DLG2: variants seen among roughly 807,000 people sequenced by gnomAD.
DLG2 encodes disks large homolog 2.
Under a neutral mutation model 132.5 loss-of-function variants are expected in DLG2, and 45 were observed. The ratio of observed to expected loss-of-function variants is 0.34; its 90% CI spans 0.27 to 0.44. The LOEUF is 0.44. Among genes scored for constraint, DLG2 ranks in the 20% least tolerant of loss-of-function variants. DLG2 has a pLI of 1.00. For synonymous variants in DLG2, 424 were observed against 419.6 expected (o/e 1.01, Z -0.13); for missense variants, 1,045 against 1,196.9 (o/e 0.87, Z 1.87).
At chr11:84,844,537 C>T (rs1039393148) in intron 6 of DLG2, among the ~76,000 whole-genome samples, 7 of 151,894 alleles carry the variant, frequency 4.6e-5, no homozygotes, top group African/African-American at 1.7e-4. Context: ...AAATGGCTTC[C>T]TTGTTTATCC....
At chr11:85,112,594 T>C (rs1338723773) in intron 5 of DLG2, among the ~76,000 whole-genome samples, 1 of 152,058 alleles carries the variant, frequency 6.6e-6, no homozygotes, top group East Asian at 1.9e-4. Context: ...CAGCTGTGAT[T>C]TACTGAACAA....
chr11:85,335,789 C>T (rs1037337004), intron 3 of DLG2, among the ~76,000 whole-genome samples: 1 of 151,362 alleles, frequency 6.6e-6, no homozygotes, highest in Non-Finnish European at 1.5e-5. Context: ...ACACCAGGAC[C>T]TATCAGGGGG....
At chr11:84,163,903 A>G (rs2095604437) in intron 8 of DLG2, among the ~76,000 whole-genome samples, 1 of 152,186 alleles carries the variant, frequency 6.6e-6, no homozygotes, top group Admixed American at 6.5e-5. Context: ...GACCTTAAAA[A>G]TCAGTGATAA....
chr11:85,086,266 CT>C (rs2067909266), intron 6 of DLG2, among the ~76,000 whole-genome samples: 1 of 152,078 alleles, frequency 6.6e-6, no homozygotes, highest in Non-Finnish European at 1.5e-5. Context: ...GTCAAAGTTA[CT>C]TATCCAATTT....
intron 6 of DLG2, among the ~76,000 whole-genome samples, chr11:85,077,025 C>G (rs1363648568): frequency 1.3e-5 from 2 of 151,944 alleles, no homozygotes; most frequent in African/African-American, 2.4e-5. Context: ...GTTATTGAAC[C>G]TCAAAGAAAT....
intron 3 of DLG2, among the ~76,000 whole-genome samples, chr11:85,326,491 T>C (rs1334351615): frequency 9.2e-6 from 1 of 108,988 alleles, no homozygotes; most frequent in Non-Finnish European, 1.8e-5. Flanking sequence ...GAAAAGAATT[T>C]TCCACCCAGA....
intron 3 of DLG2, among the ~76,000 whole-genome samples, chr11:85,289,609 G>A (rs2078767908): frequency 6.6e-6 from 1 of 152,160 alleles, no homozygotes; most frequent in Admixed American, 6.5e-5. Flanking sequence ...ATGGTAAAAT[G>A]TGTTAAAACA....
intron 21 of DLG2, among the ~76,000 whole-genome samples, chr11:83,517,927 C>T (rs1408363280): frequency 1.3e-5 from 2 of 152,162 alleles, no homozygotes; most frequent in Admixed American, 1.3e-4. Flanking sequence ...GTCAGTCTGC[C>T]CTTACTGGGG....
intron 18 of DLG2, among the ~76,000 whole-genome samples, chr11:83,745,064 G>A (rs1420688059): frequency 6.6e-6 from 1 of 152,118 alleles, no homozygotes; most frequent in Non-Finnish European, 1.5e-5. Flanking sequence ...ACGAATCTCA[G>A]TTCTCAAACT....
At chr11:84,668,897 T>C (rs927040024) in intron 6 of DLG2, among the ~76,000 whole-genome samples, 5 of 152,230 alleles carry the variant, frequency 3.3e-5, no homozygotes, top group East Asian at 3.9e-4. Context: ...CAAAAAATAT[T>C]TGAGCATCCA....
At chr11:84,526,557 A>G (rs1373330321) in intron 7 of DLG2, among the ~76,000 whole-genome samples, 3 of 152,178 alleles carry the variant, frequency 2.0e-5, no homozygotes, top group East Asian at 1.9e-4. Flanking sequence ...AGGTGAGTAC[A>G]CTACAAGATA....
intron 5 of DLG2, among the ~76,000 whole-genome samples, chr11:85,141,455 A>G (rs989484928): frequency 3.3e-5 from 5 of 151,690 alleles, no homozygotes; most frequent in African/African-American, 1.2e-4. Context: ...CTCCCTATAT[A>G]TTAGGGTTAT....
chr11:83,737,942 T>C (rs1345391623), intron 18 of DLG2, among the ~76,000 whole-genome samples: 1 of 152,184 alleles, frequency 6.6e-6, no homozygotes, highest in African/African-American at 2.4e-5. Context: ...CTTTTCTTCT[T>C]CTTCTCTTTA....
At chr11:84,834,205 C>G (rs1445686761) in intron 6 of DLG2, among the ~76,000 whole-genome samples, 1 of 151,530 alleles carries the variant, frequency 6.6e-6, no homozygotes, top group Non-Finnish European at 1.5e-5. Flanking sequence ...AATCATTTCC[C>G]TTAGTTATTT....
At chr11:85,607,857 C>CGG (rs1335150199) in intron 2 of DLG2, among the ~76,000 whole-genome samples, 6 of 152,206 alleles carry the variant, frequency 3.9e-5, no homozygotes, top group African/African-American at 1.4e-4. Context: ...TGGCCCTCCA[C>CGG]TTAATTTTTG....
chr11:84,374,561 G>T (rs944296466), intron 7 of DLG2, among the ~76,000 whole-genome samples: 1 of 152,098 alleles, frequency 6.6e-6, no homozygotes, highest in Non-Finnish European at 1.5e-5. Flanking sequence ...TCTTCTTCCA[G>T]TGTGGCCCAG....
intron 6 of DLG2, among the ~76,000 whole-genome samples, chr11:84,585,479 T>C (rs545340403): frequency 3.3e-5 from 5 of 152,182 alleles, no homozygotes; most frequent in Non-Finnish European, 5.9e-5. Flanking sequence ...GGGATTATCA[T>C]AGGTATTCCT....
chr11:84,577,022 T>C (rs10898267), intron 6 of DLG2, among the ~76,000 whole-genome samples: 9,626 of 152,258 alleles, frequency 0.063, 478 homozygotes, highest in South Asian at 0.21. Context: ...CATGCTATTC[T>C]GTGATAGTGA....
intron 8 of DLG2, among the ~76,000 whole-genome samples, chr11:84,219,445 G>A (rs2096884821): frequency 1.3e-5 from 2 of 152,118 alleles, no homozygotes; most frequent in East Asian, 1.9e-4. Flanking sequence ...CACAAAGTAC[G>A]TGTCTGAGTT....
Sources: allele counts gnomAD v4.1 joint callset (sites outside exome capture counted in the v4.1 genomes callset), GRCh38; gene constraint gnomAD v4.1.1; transcripts MANE v1.5; gene names NCBI Gene and HGNC (gene_info 2026-07-23, HGNC 2026-07-21).